Variants in TRABD2B observed in about 807,000 individuals in gnomAD.
The protein encoded by TRABD2B is TraB domain containing 2B.
In TRABD2B, 14 loss-of-function variants were observed where a neutral mutation model predicts 40.1. The observed-to-expected ratio is 0.35, with a 90% confidence interval of 0.23 to 0.55. The LOEUF (loss-of-function observed/expected upper bound fraction) is 0.55, where lower values mean the gene tolerates loss of function less well. Ranked by LOEUF, TRABD2B falls within the 20% of genes least tolerant of loss-of-function variation. The probability of loss-of-function intolerance (pLI) is 0.90; values close to 1 mark genes in which losing one functional copy is unlikely to be tolerated. For missense variants in TRABD2B, 541 were observed against 648.6 expected (o/e 0.83, Z 1.80); for synonymous variants, 263 against 277.0 (o/e 0.95, Z 0.50).
At chr1:47,766,231 G>A (rs1644301146) in intron 6 of TRABD2B, 125 bp from the exon 7 acceptor site, 2 of 626,970 alleles carry the variant, frequency 3.2e-6, no homozygotes, top group African/African-American at 3.6e-5. Context: ...GGAACAAGGA[G>A]CTTGAGCAGG....
intron 2 of TRABD2B, among the ~76,000 whole-genome samples, chr1:47,966,337 G>C (rs1303619698): frequency 6.6e-6 from 1 of 152,200 alleles, no homozygotes; most frequent in African/African-American, 2.4e-5. Flanking sequence ...GACTTGCCCA[G>C]CTGTCAGCTG....
chr1:47,984,048 A>G (rs1007485354), intron 2 of TRABD2B, among the ~76,000 whole-genome samples: 6 of 152,262 alleles, frequency 3.9e-5, no homozygotes, highest in Non-Finnish European at 5.9e-5. Context: ...ATGGGACCCC[A>G]GGCTTAAATT....
chr1:47,984,685 C>T (rs1645895427), intron 2 of TRABD2B, among the ~76,000 whole-genome samples: 1 of 152,134 alleles, frequency 6.6e-6, no homozygotes, highest in Non-Finnish European at 1.5e-5. Context: ...CCTAGTACTC[C>T]CTAGGCTTTA....
At chr1:47,960,271 A>C (rs1645491987) in intron 2 of TRABD2B, among the ~76,000 whole-genome samples, 1 of 152,232 alleles carries the variant, frequency 6.6e-6, no homozygotes, top group Non-Finnish European at 1.5e-5. Flanking sequence ...CTGAATGGGC[A>C]AAAACTGGAA....
At chr1:47,961,271 C>G (rs1645510823) in intron 2 of TRABD2B, among the ~76,000 whole-genome samples, 1 of 152,160 alleles carries the variant, frequency 6.6e-6, no homozygotes, top group East Asian at 1.9e-4. Flanking sequence ...AGAAGAAAAC[C>G]TACGCAATAC....
chr1:47,788,115 A>G (rs139696599), intron 4 of TRABD2B, among the ~76,000 whole-genome samples: 1 of 152,182 alleles, frequency 6.6e-6, no homozygotes, highest in Admixed American at 6.5e-5. Flanking sequence ...AAATGGAATA[A>G]TAAATACCAT....
intron 2 of TRABD2B, among the ~76,000 whole-genome samples, chr1:47,899,519 A>C (rs962201423): frequency 6.6e-6 from 1 of 152,244 alleles, no homozygotes; most frequent in Admixed American, 6.5e-5. Context: ...CTGCTGTCTG[A>C]TAAGAGGATA....
rs1646093605 is a variant in TRABD2B, at chr1:47,996,471, G to A, written c.102+217C>T. 6.6e-6 allele frequency among the ~76,000 whole-genome samples: 1 copy of A among 152,202 alleles called. No individual in the cohort carries two copies. The highest frequency in any genetic ancestry group is 2.4e-5 in the African/African-American group (1 of 41,464). Reference sequence around the variant, plus strand: ...GGAGAGCCCCAGAGCGGCAGCGTGTGGAGAAGGAACCGGAGAGGGAGCGCC... The same window carrying A: ...GGAGAGCCCCAGAGCGGCAGCGTGTAGAGAAGGAACCGGAGAGGGAGCGCC... On this transcript the variant is annotated intron_variant, in intron 1 of 6. Coordinates refer to ENST00000606738, the MANE Select transcript of TRABD2B (RefSeq NM_001194986.2). This position sits in a 1 kb window ranked among gnomAD's most constrained non-coding sequence, Gnocchi z 4.6.
rs562946690 is a variant in TRABD2B, at chr1:47,996,132, T to C, written c.102+556A>G. ...AAATCTTCCCTCTTTTCACGAAATA[T>C]GGACGCTTGGGAGAGTAGGTGGTGG... On this transcript the variant is annotated intron_variant, in intron 1 of 6. Transcript: ENST00000606738. The surrounding 1 kb of genome is among the most constrained non-coding windows in gnomAD (Gnocchi z 4.6). Among the ~76,000 whole-genome samples, 5 of 152,140 alleles carry C rather than the reference T, an allele frequency of 3.3e-5. No homozygotes were observed. Among genetic ancestry groups the C allele is most frequent in the Non-Finnish European group, 5.9e-5 (4 of 68,008 alleles).
chr1:47,944,509 A>G (rs1645232740), intron 2 of TRABD2B, among the ~76,000 whole-genome samples: 2 of 152,214 alleles, frequency 1.3e-5, no homozygotes, highest in Non-Finnish European at 2.9e-5. Flanking sequence ...CAAGTAGGCA[A>G]GGAAAAAGTT....
At chr1:47,836,184 G>A (rs1373160256) in intron 2 of TRABD2B, among the ~76,000 whole-genome samples, 1 of 152,218 alleles carries the variant, frequency 6.6e-6, no homozygotes, top group Admixed American at 6.5e-5. Flanking sequence ...TGAAAAAGCT[G>A]TCATTTCAGT....
intron 2 of TRABD2B, among the ~76,000 whole-genome samples, chr1:47,907,649 ATGTT>A (rs1188640740): frequency 6.6e-6 from 1 of 152,116 alleles, no homozygotes; most frequent in Non-Finnish European, 1.5e-5. Context: ...GGGTGCACTC[ATGTT>A]TGTTCTCACT....
chr1:47,821,963 C>T lies in TRABD2B; in HGVS notation c.667-20344G>A, dbSNP rs144064834. Among the ~76,000 whole-genome samples, 446 of 152,266 alleles carry T rather than the reference C, an allele frequency of 2.9e-3. 2 individuals carry two copies. Among genetic ancestry groups the T allele is most frequent in the African/African-American group, 9.9e-3 (412 of 41,542 alleles). On this transcript the variant is annotated intron_variant, in intron 2 of 6. Coordinates refer to ENST00000606738, the MANE Select transcript of TRABD2B (RefSeq NM_001194986.2). ...CAACCAGAAAATGTAACTGCCTACC[C>T]CTGGAGCACTGGGTAATGTGTTCTC...
At chr1:47,849,940 G>A (rs1645525146) in intron 2 of TRABD2B, among the ~76,000 whole-genome samples, 2 of 152,226 alleles carry the variant, frequency 1.3e-5, no homozygotes, top group African/African-American at 2.4e-5. Context: ...GTTCCTTCCA[G>A]AAGAAGCTGC....
At chr1:47,822,929 C>T (rs1249027863) in intron 2 of TRABD2B, among the ~76,000 whole-genome samples, 3 of 152,218 alleles carry the variant, frequency 2.0e-5, no homozygotes, top group Non-Finnish European at 4.4e-5. Context: ...TGGCCACACC[C>T]TCAGCTCCTG....
At chr1:47,895,346 G>A (rs1256653552) in intron 2 of TRABD2B, among the ~76,000 whole-genome samples, 1 of 152,160 alleles carries the variant, frequency 6.6e-6, no homozygotes, top group East Asian at 1.9e-4. Flanking sequence ...TGTGAGCACT[G>A]AGCGAGCTGT....
At chr1:47,952,019 G>A (rs913765677) in intron 2 of TRABD2B, among the ~76,000 whole-genome samples, 1 of 152,218 alleles carries the variant, frequency 6.6e-6, no homozygotes, top group African/African-American at 2.4e-5. Context: ...AGCACCCTCA[G>A]TGCCCTGAAG....
chr1:47,907,448 T>C (rs1644693725), intron 2 of TRABD2B, among the ~76,000 whole-genome samples: 1 of 152,230 alleles, frequency 6.6e-6, no homozygotes, highest in South Asian at 2.1e-4. Flanking sequence ...ACCCTGCACC[T>C]ACCAGGTACC....
At chr1:47,771,079 C>G (rs1445941212) in intron 6 of TRABD2B, among the ~76,000 whole-genome samples, 1 of 152,198 alleles carries the variant, frequency 6.6e-6, no homozygotes, top group African/African-American at 2.4e-5. Context: ...TACCTCGAAT[C>G]TGATGGGGTC....
Sources: gnomAD v4.1 joint callset for allele counts (sites outside exome capture counted in the v4.1 genomes callset) on GRCh38, gnomAD v4.1.1 for gene constraint, Gnocchi (gnomAD v3.1) non-coding constraint, MANE v1.5 for transcripts, NCBI Gene and HGNC (gene_info 2026-07-23, HGNC 2026-07-21) for gene names.